ATM: variants seen among roughly 807,000 people sequenced by gnomAD.
ATM encodes serine-protein kinase ATM.
In ATM, 308 loss-of-function variants were observed where a neutral mutation model predicts 387.0. That is an observed-to-expected ratio of 0.80 (90% CI 0.73 to 0.87). The LOEUF is 0.87. Ranked by LOEUF, ATM falls within the 40% of genes least tolerant of loss-of-function variation. The pLI is 0.00. For synonymous variants in ATM, 1,156 were observed against 1,187.3 expected (o/e 0.97, Z 0.54); for missense variants, 3,312 against 3,560.9 (o/e 0.93, Z 1.78).
At chr11:108,264,111 A>G (rs1345170169) in intron 16 of ATM, among the ~76,000 whole-genome samples, 1 of 151,796 alleles carries the variant, frequency 6.6e-6, no homozygotes, top group African/African-American at 2.4e-5. Flanking sequence ...AAAAGAGGGA[A>G]TCCTCCCTAA....
At chr11:108,280,614 A>G (rs573584303) in intron 23 of ATM, among the ~76,000 whole-genome samples, 94 of 152,272 alleles carry the variant, frequency 6.2e-4, no homozygotes, top group African/African-American at 2.1e-3. Context: ...CCTTTGTGTT[A>G]CAAGCAATCC....
At position 108,274,548 on chromosome 11, in the gene ATM, C is replaced by T. The variant is rs551431541; in HGVS notation, c.3284+1696C>T. On this transcript the variant is annotated intron_variant, in intron 22 of 62. Transcript: ENST00000675843. ...TCTAAACACTGCTTTAGCTGTGTCC[C>T]AGAGATTCTGGTACATTGTGTCTTT... Among the ~76,000 whole-genome samples the T allele has an allele frequency of 2.6e-5, 4 of 152,288 alleles. No homozygotes were observed. The East Asian group carries it at 7.7e-4, about 29-fold the overall frequency.
At chr11:108,292,198 G>T (rs972173945) in intron 29 of ATM, among the ~76,000 whole-genome samples, 19 of 152,220 alleles carry the variant, frequency 1.2e-4, no homozygotes, top group Admixed American at 7.2e-4. Flanking sequence ...CCATGAGCCA[G>T]TGTCTCACAC....
Position 108,229,172 on chromosome 11 carries a change from T to C in ATM, c.186-6T>C, listed in dbSNP as rs2078881202. ...GTTTCTGAAATTGCATTTTGTTTTCTTGAAGATTTTTACAGAAATATATTC... is the reference window on the plus strand; with the variant it reads ...GTTTCTGAAATTGCATTTTGTTTTCCTGAAGATTTTTACAGAAATATATTC... On this transcript the variant is annotated splice_polypyrimidine_tract_variant and splice_region_variant and intron_variant, in intron 3 of 62. Coordinates refer to ENST00000675843, the MANE Select transcript of ATM (RefSeq NM_000051.4). 1 of 1,608,990 alleles carries C rather than the reference T, an allele frequency of 6.2e-7. No individual in the cohort carries two copies. Among genetic ancestry groups the C allele is most frequent in the East Asian group, 2.2e-5 (1 of 44,744 alleles).
At chr11:108,319,512 T>G (rs950056826) in intron 43 of ATM, among the ~76,000 whole-genome samples, 1 of 152,256 alleles carries the variant, frequency 6.6e-6, no homozygotes, top group African/African-American at 2.4e-5. Flanking sequence ...TTACCCATTC[T>G]ATAATAGCCA....
chr11:108,307,850 G>A (rs2135974013), intron 37 of ATM, 47 bp from the exon 38 acceptor site: 1 of 1,510,436 alleles, frequency 6.6e-7, no homozygotes, highest in East Asian at 2.3e-5. Context: ...AAGAAGGTGT[G>A]TAAGCAAGAA....
chr11:108,236,317 G>C (rs754474051), intron 5 of ATM: 7 of 169,168 alleles, frequency 4.1e-5, no homozygotes, highest in Non-Finnish European at 8.9e-5. Flanking sequence ...GCCAAGGCCG[G>C]TGGATTGCTT....
intron 54 of ATM, among the ~76,000 whole-genome samples, chr11:108,334,391 T>C (rs2086608228): frequency 6.6e-6 from 1 of 152,244 alleles, no homozygotes; most frequent in Non-Finnish European, 1.5e-5. Flanking sequence ...ATTATTATAA[T>C]ATTAAGCTGA....
chr11:108,253,015 A>G lies in ATM; in HGVS notation c.1898+103A>G, dbSNP rs1318403483. 6.8e-5 allele frequency: 71 copies of G among 1,037,264 alleles called. 1 individual carries two copies. In the East Asian group the frequency reaches 1.7e-3, roughly 25 times the overall value. The allele number at this position is 1,037,264 out of a possible 1,614,324, so 64.3% of individuals were successfully genotyped here. ...AGCTGCATCTTAATAATTGTAAACT[A>G]AATTGGTCCAAAAAAATTGCAACTG... On this transcript the variant is annotated intron_variant, in intron 12 of 62. Transcript: ENST00000675843.
chr11:108,240,101 ACAT>A (rs2079482124), intron 5 of ATM, among the ~76,000 whole-genome samples: 1 of 152,226 alleles, frequency 6.6e-6, no homozygotes, highest in Admixed American at 6.5e-5. Flanking sequence ...ATGCTGGGAC[ACAT>A]CATTATTATC....
rs1457831101 is a variant in ATM, at chr11:108,304,665, T to C, written c.5497-10T>C. On this transcript the variant is annotated splice_polypyrimidine_tract_variant and intron_variant, in intron 36 of 62. Transcript: ENST00000675843. ...TCAAACTATTGGGTGGATTTGTTTGTATATTCTAGGTGAAAACTGACTTTT... is the reference window on the plus strand; with the variant it reads ...TCAAACTATTGGGTGGATTTGTTTGCATATTCTAGGTGAAAACTGACTTTT... The C allele has an allele frequency of 2.5e-6, 4 of 1,612,962 alleles. No homozygotes were observed. Among genetic ancestry groups the C allele is most frequent in the Admixed American group, 3.3e-5 (2 of 59,996 alleles).
At chr11:108,288,930 A>G (rs1390678559) in intron 27 of ATM, 47 bp from the exon 28 acceptor site, 3 of 1,612,440 alleles carry the variant, frequency 1.9e-6, no homozygotes, top group Admixed American at 3.3e-5. Flanking sequence ...GTCTATGAAC[A>G]AAACTTTTTA....
chr11:108,261,022 G>A (rs1161556731), intron 16 of ATM, among the ~76,000 whole-genome samples: 4 of 152,180 alleles, frequency 2.6e-5, no homozygotes, highest in South Asian at 2.1e-4. Flanking sequence ...TAGCACAGCA[G>A]TCTGAGATCA....
intron 22 of ATM, among the ~76,000 whole-genome samples, chr11:108,275,548 GC>G (rs2081895499): frequency 1.3e-5 from 2 of 152,286 alleles, no homozygotes; most frequent in South Asian, 4.1e-4. Flanking sequence ...CTCTTGTAAG[GC>G]AGGCCTGGTG....
chr11:108,242,420 T>C (rs2079607451), intron 5 of ATM, among the ~76,000 whole-genome samples: 1 of 150,328 alleles, frequency 6.7e-6, no homozygotes, highest in Non-Finnish European at 1.5e-5. Context: ...CTTTTCAACA[T>C]TATGTTGGAG....
chr11:108,238,974 C>T (rs2079432048), intron 5 of ATM, among the ~76,000 whole-genome samples: 4 of 152,122 alleles, frequency 2.6e-5, no homozygotes, highest in Admixed American at 2.6e-4. Context: ...CCTCCCCTAT[C>T]CCCTGGCAGC....
rs368209025 is a variant in ATM, at chr11:108,251,914, A to G, written c.1685A>G (p.Asn562Ser). 7.4e-6 allele frequency: 12 copies of G among 1,613,862 alleles called. No homozygotes were observed. In the African/African-American group the frequency reaches 1.6e-4, roughly 22 times the overall value. ...ACGGTAAAAATGGGAATAGAGCAAAATATGTGTGAAGTAAATAGAAGCTTT... is the reference window on the plus strand; with the variant it reads ...ACGGTAAAAATGGGAATAGAGCAAAGTATGTGTGAAGTAAATAGAAGCTTT... ...PGTVKMGIEQ[N>S]MCEVNRSFSL... is the part of the protein sequence containing the mutation. Residue 562 changes from asparagine to serine, a missense_variant, in exon 11 of 63, where the codon AAT (asparagine) becomes AGT (serine). By Grantham distance (46) the Asn-to-Ser change is conservative (BLOSUM62 1). Around this residue, in one of 4 missense-constraint regions of ATM, gnomAD observed 1,791 missense variants for 1,804.5 expected, o/e 0.99. Transcript: ENST00000675843.
In ATM at chr11:108,292,711, A is replaced by G. The variant is rs1208799683; in HGVS notation, c.4529A>G (p.Lys1510Arg). 1.9e-6 allele frequency: 3 copies of G among 1,613,900 alleles called. No individual in the cohort carries two copies. The highest frequency in any genetic ancestry group is 2.2e-5 in the East Asian group (1 of 44,858). The change falls in exon 30 of 63, where the codon AAG (lysine) becomes AGG (arginine). Residue 1510 changes from lysine (K) to arginine (R), a missense_variant. Physicochemically the swap from Lys to Arg is conservative, Grantham distance 26. Coordinates refer to ENST00000675843, the MANE Select transcript of ATM (RefSeq NM_000051.4). ...TGCCAGACAGCCGTGACTTACTGTAAGGATGCTCTAGAAAACCATCTTCAT... is the reference window on the plus strand; with the variant it reads ...TGCCAGACAGCCGTGACTTACTGTAGGGATGCTCTAGAAAACCATCTTCAT... ...QVCQTAVTYC[K>R]DALENHLHVI... is the part of the protein sequence containing the mutation.
chr11:108,228,451 T>A (rs2078850992), intron 3 of ATM, among the ~76,000 whole-genome samples: 1 of 152,112 alleles, frequency 6.6e-6, no homozygotes, highest in South Asian at 2.1e-4. Flanking sequence ...TAGAAACAGA[T>A]TGTAAGGATT....
Sources: allele counts gnomAD v4.1 joint callset (sites outside exome capture counted in the v4.1 genomes callset), GRCh38; gene constraint gnomAD v4.1.1; regional missense constraint gnomAD v4.1.1; transcripts MANE v1.5; gene names NCBI Gene and HGNC (gene_info 2026-07-23, HGNC 2026-07-21).